Variants in ADK observed in about 807,000 individuals in gnomAD.
The protein encoded by ADK is adenosine kinase, also known as N6,N6-dimethyladenosine kinase.
ADK carries 24 observed loss-of-function variants against 44.7 expected under a neutral mutation model. The ratio of observed to expected loss-of-function variants is 0.54; its 90% CI spans 0.39 to 0.76. The LOEUF (loss-of-function observed/expected upper bound fraction) is 0.76, where lower values mean the gene tolerates loss of function less well. Ranked by LOEUF, ADK falls within the 30% of genes least tolerant of loss-of-function variation. The pLI, the probability that ADK is intolerant of heterozygous loss-of-function variation, is 0.00. For missense variants in ADK, 321 were observed against 425.1 expected, an observed-to-expected ratio of 0.76 and a Z score of 2.15; for synonymous variants, 128 against 142.6, an observed-to-expected ratio of 0.90 and a Z score of 0.73.
chr10:74,426,940 T>TAA, intron 6 of ADK, among the ~76,000 whole-genome samples: 1 of 152,200 alleles, frequency 6.6e-6, no homozygotes, highest in Non-Finnish European at 1.5e-5. Flanking sequence ...ATCCCTCCCC[T>TAA]AACCCCCCAA....
chr10:74,222,196 T>C (rs1008002706), intron 2 of ADK, among the ~76,000 whole-genome samples: 6 of 152,108 alleles, frequency 3.9e-5, no homozygotes, highest in Non-Finnish European at 7.4e-5. Flanking sequence ...AAAAAGTGGG[T>C]GAAGGACATG....
intron 6 of ADK, among the ~76,000 whole-genome samples, chr10:74,495,662 C>A (rs1847659076): frequency 6.6e-6 from 1 of 152,200 alleles, no homozygotes; most frequent in East Asian, 1.9e-4. Flanking sequence ...TCCCTATCTT[C>A]CTTTGTGCTT....
intron 3 of ADK, among the ~76,000 whole-genome samples, chr10:74,241,857 G>T (rs1160111402): frequency 6.6e-6 from 1 of 152,180 alleles, no homozygotes; most frequent in Non-Finnish European, 1.5e-5. Context: ...TTGTGCTACT[G>T]CTCCCAGAAG....
At chr10:74,421,563 G>A (rs1202634826) in intron 6 of ADK, among the ~76,000 whole-genome samples, 1 of 152,112 alleles carries the variant, frequency 6.6e-6, no homozygotes, top group Non-Finnish European at 1.5e-5. Flanking sequence ...TACTGAGAAG[G>A]CCTAGAAGCA....
intron 1 of ADK, among the ~76,000 whole-genome samples, chr10:74,157,556 C>T (rs1398298599): frequency 6.6e-6 from 1 of 151,704 alleles, no homozygotes; most frequent in East Asian, 1.9e-4. Context: ...AGAAAGTACC[C>T]AGATGTATCA....
Position 74,439,910 on chromosome 10 carries a change from C to A in ADK, c.555+41331C>A, listed in dbSNP as rs995243549. On this transcript the variant is annotated intron_variant, in intron 6 of 10. Coordinates refer to ENST00000539909, the MANE Select transcript of ADK (RefSeq NM_006721.4). ...AGGCATATATGCTTCATTTTAGAAG[C>A]CCCTGTTATTAGGTTATATAATTTC... Among the ~76,000 whole-genome samples the A allele has an allele frequency of 4.6e-5, 7 of 151,828 alleles. No individual in the cohort carries two copies. The East Asian group carries it at 1.4e-3, about 29-fold the overall frequency.
chr10:74,478,217 A>C (rs2133335978), intron 6 of ADK, among the ~76,000 whole-genome samples: 1 of 152,214 alleles, frequency 6.6e-6, no homozygotes, highest in Admixed American at 6.5e-5. Flanking sequence ...CCTATCTTAG[A>C]ACTGTATTTA....
intron 9 of ADK, among the ~76,000 whole-genome samples, chr10:74,648,601 C>T (rs1340935663): frequency 6.6e-6 from 1 of 151,824 alleles, no homozygotes; most frequent in Non-Finnish European, 1.5e-5. Context: ...TCGCTTGAAC[C>T]TGGGAGGCGG....
At chr10:74,168,991 T>C (rs1269968240) in intron 1 of ADK, among the ~76,000 whole-genome samples, 1 of 152,084 alleles carries the variant, frequency 6.6e-6, no homozygotes, top group Admixed American at 6.6e-5. Context: ...TTTGGGAGGC[T>C]GAGGCAGGTG....
intron 6 of ADK, among the ~76,000 whole-genome samples, chr10:74,512,616 T>C (rs1848384350): frequency 6.6e-6 from 1 of 151,886 alleles, no homozygotes; most frequent in Non-Finnish European, 1.5e-5. Flanking sequence ...GTAGTATCTT[T>C]TGTGATGTCT....
chr10:74,493,815 C>T (rs999189454), intron 6 of ADK, among the ~76,000 whole-genome samples: 3 of 152,082 alleles, frequency 2.0e-5, no homozygotes, highest in Admixed American at 6.5e-5. Context: ...TGTGTACCTA[C>T]CATGAATGTT....
At chr10:74,441,353 A>C (rs972864911) in intron 6 of ADK, among the ~76,000 whole-genome samples, 1 of 152,216 alleles carries the variant, frequency 6.6e-6, no homozygotes, top group African/African-American at 2.4e-5. Context: ...AAAAGGCTAA[A>C]CACAGAGTTA....
chr10:74,487,258 A>G (rs1050343250), intron 6 of ADK, among the ~76,000 whole-genome samples: 1 of 152,064 alleles, frequency 6.6e-6, no homozygotes, highest in Non-Finnish European at 1.5e-5. Flanking sequence ...GTACTTGCTA[A>G]TAATTGCTAT....
chr10:74,542,970 G>A (rs1010035403), intron 7 of ADK, among the ~76,000 whole-genome samples: 4 of 151,176 alleles, frequency 2.6e-5, no homozygotes, highest in Admixed American at 6.6e-5. Flanking sequence ...GTGCGATCTC[G>A]GCTCACAGCA....
chr10:74,490,697 C>T (rs1047877958), intron 6 of ADK, among the ~76,000 whole-genome samples: 5 of 152,124 alleles, frequency 3.3e-5, no homozygotes, highest in African/African-American at 1.2e-4. Context: ...TTCGTCTCTG[C>T]CTGATAACAA....
At chr10:74,680,518 T>C (rs1855566331) in intron 10 of ADK, among the ~76,000 whole-genome samples, 1 of 148,166 alleles carries the variant, frequency 6.7e-6, no homozygotes, top group South Asian at 2.1e-4. Flanking sequence ...CTACTCTGTA[T>C]GTCTGAATTT....
At chr10:74,649,768 A>G (rs1854195521) in intron 9 of ADK, among the ~76,000 whole-genome samples, 1 of 152,158 alleles carries the variant, frequency 6.6e-6, no homozygotes, top group Admixed American at 6.5e-5. Context: ...GAGCTATCTG[A>G]TGTCTAGAGT....
At chr10:74,297,960 A>G (rs1839875718) in intron 3 of ADK, among the ~76,000 whole-genome samples, 1 of 152,142 alleles carries the variant, frequency 6.6e-6, no homozygotes, top group Non-Finnish European at 1.5e-5. Context: ...TGCCATATGT[A>G]TTGCTGTGCT....
intron 6 of ADK, among the ~76,000 whole-genome samples, chr10:74,448,828 A>G (rs564261502): frequency 1.3e-5 from 2 of 152,112 alleles, no homozygotes; most frequent in African/African-American, 4.8e-5. Context: ...AATAATATAT[A>G]CTGGCTTTCT....
Sources: gnomAD v4.1 joint callset for allele counts (sites outside exome capture counted in the v4.1 genomes callset) on GRCh38, gnomAD v4.1.1 for gene constraint, MANE v1.5 for transcripts, NCBI Gene and HGNC (gene_info 2026-07-23, HGNC 2026-07-21) for gene names.